The following RIMS1 variants were observed in gnomAD, a reference collection of about 807,000 sequenced individuals.
The protein encoded by RIMS1 is regulating synaptic membrane exocytosis protein 1.
Under a neutral mutation model 214.1 loss-of-function variants are expected in RIMS1, and 83 were observed. The ratio of observed to expected loss-of-function variants is 0.39; its 90% confidence interval spans 0.32 to 0.47. The LOEUF (loss-of-function observed/expected upper bound fraction) is 0.47. RIMS1 is among the 20% of genes least tolerant of loss of function. The probability of loss-of-function intolerance (pLI) is 0.99; values close to 1 mark genes in which losing one functional copy is unlikely to be tolerated. For synonymous variants in RIMS1, 793 were observed against 786.8 expected, an observed-to-expected ratio of 1.01 and a Z score of -0.13; for missense variants, 2,050 against 2,161.8, an observed-to-expected ratio of 0.95 and a Z score of 1.03.
chr6:72,137,571 C>A (rs562351546), intron 4 of RIMS1, among the ~76,000 whole-genome samples: 1 of 151,376 alleles, frequency 6.6e-6, no homozygotes, highest in East Asian at 1.9e-4. Flanking sequence ...TGTAAGCATT[C>A]TTTGTATATT....
rs1238800862 is a variant in RIMS1, at chr6:72,338,811, C to A, written c.4366+4976C>A. On this transcript the variant is annotated intron_variant, in intron 29 of 33. Coordinates refer to ENST00000521978, the MANE Select transcript of RIMS1 (RefSeq NM_014989.7). ...GATTGGGCCTGAATTTAAACCCAGG[C>A]TACCTGGTGCCAAACCCATGCTTTT... Among the ~76,000 whole-genome samples the A allele has an allele frequency of 6.6e-5, 10 of 150,474 alleles. 1 individual carries two copies. In the Admixed American group the frequency reaches 6.7e-4, roughly 10 times the overall value.
At chr6:71,904,002 G>T (rs1038077727) in intron 1 of RIMS1, among the ~76,000 whole-genome samples, 1 of 152,008 alleles carries the variant, frequency 6.6e-6, no homozygotes, top group Non-Finnish European at 1.5e-5. Flanking sequence ...TTTTTCACAT[G>T]TATCTTTCAT....
intron 1 of RIMS1, among the ~76,000 whole-genome samples, chr6:71,906,319 T>C (rs1224729015): frequency 6.6e-6 from 1 of 152,194 alleles, no homozygotes; most frequent in African/African-American, 2.4e-5. Flanking sequence ...GTATGTTTGT[T>C]TTATAGCACA....
At chr6:72,393,011 A>G (rs2098724319) in intron 31 of RIMS1, among the ~76,000 whole-genome samples, 1 of 152,036 alleles carries the variant, frequency 6.6e-6, no homozygotes, top group Non-Finnish European at 1.5e-5. Context: ...AAAATTAGCT[A>G]TAAATATTTG....
intron 2 of RIMS1, among the ~76,000 whole-genome samples, chr6:71,972,051 G>GA (rs907050572): frequency 4.0e-4 from 61 of 150,860 alleles, no homozygotes; most frequent in African/African-American, 9.7e-4. Flanking sequence ...AGGATACATA[G>GA]AAAAAAAAAT....
At chr6:72,187,263 A>G (rs928544223) in intron 6 of RIMS1, among the ~76,000 whole-genome samples, 11 of 152,152 alleles carry the variant, frequency 7.2e-5, no homozygotes, top group Non-Finnish European at 1.2e-4. Context: ...AATGTAATAT[A>G]TGTATATGGG....
chr6:72,194,188 A>T (rs566458985), intron 6 of RIMS1, among the ~76,000 whole-genome samples: 1 of 152,172 alleles, frequency 6.6e-6, no homozygotes, highest in African/African-American at 2.4e-5. Context: ...TACAAATTCA[A>T]TGCAATTCCT....
At chr6:71,987,284 C>T (rs1800279098) in intron 2 of RIMS1, among the ~76,000 whole-genome samples, 1 of 152,146 alleles carries the variant, frequency 6.6e-6, no homozygotes, top group South Asian at 2.1e-4. Context: ...ATTTATTTCT[C>T]ATAGTTCTGG....
At chr6:72,347,047 T>C (rs1196071527) in intron 29 of RIMS1, among the ~76,000 whole-genome samples, 1 of 151,862 alleles carries the variant, frequency 6.6e-6, no homozygotes. Context: ...CCTACTTCCA[T>C]GACTTTATTT....
intron 26 of RIMS1, among the ~76,000 whole-genome samples, chr6:72,296,667 A>G (rs1358419848): frequency 6.6e-6 from 1 of 151,918 alleles, no homozygotes; most frequent in Non-Finnish European, 1.5e-5. Flanking sequence ...GCTTAATGTG[A>G]TAAGGTTAAT....
At chr6:72,375,601 G>A (rs892081555) in intron 29 of RIMS1, among the ~76,000 whole-genome samples, 1 of 152,056 alleles carries the variant, frequency 6.6e-6, no homozygotes, top group African/African-American at 2.4e-5. Flanking sequence ...TAATATTTTG[G>A]GAGAGTGCAG....
At chr6:72,223,947 CAA>C (rs34645921) in intron 6 of RIMS1, among the ~76,000 whole-genome samples, 1 of 105,932 alleles carries the variant, frequency 9.4e-6, no homozygotes, top group African/African-American at 3.5e-5. Flanking sequence ...GACTCCGTCT[CAA>C]AAAAAAAAAA....
At chr6:72,339,092 C>A (rs960925405) in intron 29 of RIMS1, among the ~76,000 whole-genome samples, 9 of 151,610 alleles carry the variant, frequency 5.9e-5, no homozygotes, top group African/African-American at 2.2e-4. Context: ...TCAGAAAAGA[C>A]AATTATATTA....
chr6:72,395,390 AAAAG>A (rs1201208101), intron 31 of RIMS1, among the ~76,000 whole-genome samples: 1 of 151,954 alleles, frequency 6.6e-6, no homozygotes, highest in African/African-American at 2.4e-5. Context: ...ATGAAGAAGA[AAAAG>A]AAGATTACCT....
At chr6:71,936,282 G>C (rs925600187) in intron 1 of RIMS1, among the ~76,000 whole-genome samples, 1 of 132,362 alleles carries the variant, frequency 7.6e-6, no homozygotes, top group South Asian at 2.3e-4. Context: ...AGCCGAGATC[G>C]CGCCACTGCA....
At chr6:71,966,876 G>A (rs1471409385) in intron 1 of RIMS1, among the ~76,000 whole-genome samples, 1 of 152,080 alleles carries the variant, frequency 6.6e-6, no homozygotes, top group African/African-American at 2.4e-5. Context: ...TATCTTTAGT[G>A]TTGCTTAATA....
intron 29 of RIMS1, among the ~76,000 whole-genome samples, chr6:72,355,963 G>A (rs2097624361): frequency 6.6e-6 from 1 of 152,064 alleles, no homozygotes; most frequent in Admixed American, 6.6e-5. Flanking sequence ...TACTTATTTG[G>A]CTTAGACATC....
rs543812950 is a variant in RIMS1, at chr6:72,331,913, C to T, written c.4131-1687C>T. Among the ~76,000 whole-genome samples the T allele has an allele frequency of 1.1e-3, 161 of 151,922 alleles. 1 individual carries two copies. Among genetic ancestry groups the T allele is most frequent in the African/African-American group, 3.7e-3 (154 of 41,522 alleles). ...AGTATTAAAAATTACAAATTGTCCT[C>T]ATCAAGTAGAGGTCTCAATTTTCAA... On this transcript the variant is annotated intron_variant, in intron 28 of 33. Transcript: ENST00000521978.
At chr6:72,210,263 TAGC>T (rs1163347353) in intron 6 of RIMS1, among the ~76,000 whole-genome samples, 3 of 152,212 alleles carry the variant, frequency 2.0e-5, no homozygotes, top group Admixed American at 1.3e-4. Context: ...TTCTGCAAAA[TAGC>T]AGGCTTAGTA....
Sources: allele counts gnomAD v4.1 joint callset (sites outside exome capture counted in the v4.1 genomes callset), GRCh38; gene constraint gnomAD v4.1.1; transcripts MANE v1.5; gene names NCBI Gene and HGNC (gene_info 2026-07-23, HGNC 2026-07-21).